Variants in SLC45A1 observed in about 807,000 individuals in gnomAD.
SLC45A1 encodes solute carrier family 45 member 1.
In SLC45A1, 28 loss-of-function variants were observed where a neutral mutation model predicts 57.6. That is an observed-to-expected ratio of 0.49 (90% confidence interval 0.36 to 0.67). The LOEUF is 0.67. Among genes scored for constraint, SLC45A1 ranks in the 30% least tolerant of loss-of-function variants. SLC45A1 has a pLI of 0.00. For missense variants in SLC45A1, 814 were observed against 1,041.5 expected, an observed-to-expected ratio of 0.78 and a Z score of 3.01; for synonymous variants, 459 against 471.5, an observed-to-expected ratio of 0.97 and a Z score of 0.34.
rs770426185 is a variant in SLC45A1, at chr1:8,335,529, C to G, written c.1536C>G (p.Leu512=). 3 of 1,606,066 alleles carry G rather than the reference C, an allele frequency of 1.9e-6. No homozygotes were observed. ...AGCAGCCTCTGTCCGTGGGGCGCCT[C>G]TGCTCCACCATCTGCAACATGCCCA... The part of the protein sequence containing the change: ...RAEQPLSVGR[L]CSTICNMPKA... The change falls in exon 6 of 9, where the codon CTC becomes CTG. Residue 512 remains leucine (L), a synonymous_variant. Transcript: ENST00000471889. The surrounding 1 kb of genome is among the most constrained non-coding windows in gnomAD (Gnocchi z 4.1).
At chr1:8,322,100 T>C (rs1640035264) in intron 1 of SLC45A1, among the ~76,000 whole-genome samples, 1 of 104,692 alleles carries the variant, frequency 9.6e-6, no homozygotes, top group African/African-American at 4.0e-5. Context: ...GATGGATGGG[T>C]GGGTGGGTGA....
intron 1 of SLC45A1, among the ~76,000 whole-genome samples, chr1:8,321,227 A>G (rs1245462657): frequency 2.6e-5 from 4 of 152,206 alleles, no homozygotes; most frequent in Non-Finnish European, 4.4e-5. Flanking sequence ...TACTCCTTAT[A>G]AATGAATTCT....
chr1:8,330,717 C>G lies in SLC45A1; in HGVS notation c.1224C>G (p.Pro408=), dbSNP rs201094126. ...TCAGCGTCAGCTTCCCCCGGGCCCC[C>G]GACGGCTTCTACCGCCAGGACCGTG... ...PPISVSFPRA[P]DGFYRQDRGL... The change falls in exon 5 of 9, where the codon CCC becomes CCG. Residue 408 remains proline (P), a synonymous_variant. Transcript: ENST00000471889. The surrounding 1 kb of genome is among the most constrained non-coding windows in gnomAD (Gnocchi z 8.4). The G allele has an allele frequency of 6.2e-7, 1 of 1,613,140 alleles. No individual in the cohort carries two copies. The highest frequency in any genetic ancestry group is 1.1e-5 in the South Asian group (1 of 91,072).
intron 5 of SLC45A1, among the ~76,000 whole-genome samples, chr1:8,331,885 C>T (rs1354312547): frequency 2.0e-5 from 3 of 151,930 alleles, no homozygotes; most frequent in Non-Finnish European, 2.9e-5. Context: ...CTCTGCCTCC[C>T]GGGTTCACGC....
intron 1 of SLC45A1, 70 bp from the exon 2 acceptor site, chr1:8,324,236 G>C: frequency 7.3e-7 from 1 of 1,370,964 alleles, no homozygotes; most frequent in African/African-American, 1.4e-5. Flanking sequence ...TCTGCAGTGT[G>C]AACTCAAATG....
chr1:8,322,955 G>A (rs998991092), intron 1 of SLC45A1, among the ~76,000 whole-genome samples: 1 of 152,060 alleles, frequency 6.6e-6, no homozygotes, highest in African/African-American at 2.4e-5. Flanking sequence ...TTATACAAGT[G>A]GACATCGGCT....
chr1:8,326,841 G>A lies in SLC45A1; in HGVS notation c.715+799G>A, dbSNP rs546586004. Among the ~76,000 whole-genome samples, 1 of 152,156 alleles carries A rather than the reference G, an allele frequency of 6.6e-6. No individual in the cohort carries two copies. The highest frequency in any genetic ancestry group is 1.5e-5 in the Non-Finnish European group (1 of 68,034). Reference sequence around the variant, plus strand: ...TAAAAATACAAAAAATTAGCTGGGCGTGGTGGCACATGCCTGTAATCCCAG... The same window carrying A: ...TAAAAATACAAAAAATTAGCTGGGCATGGTGGCACATGCCTGTAATCCCAG... On this transcript the variant is annotated intron_variant, in intron 4 of 8. Coordinates refer to ENST00000471889, the MANE Select transcript of SLC45A1 (RefSeq NM_001080397.3). The surrounding 1 kb of genome is among the most constrained non-coding windows in gnomAD (Gnocchi z 5.5).
intron 1 of SLC45A1, among the ~76,000 whole-genome samples, chr1:8,321,735 C>A (rs72864245): frequency 0.044 from 6,680 of 150,434 alleles, 493 homozygotes; most frequent in African/African-American, 0.15. Context: ...AAGAACGGGT[C>A]GGTGGATGTG....
intron 1 of SLC45A1, among the ~76,000 whole-genome samples, chr1:8,318,539 C>G (rs72635792): frequency 0.37 from 55,805 of 152,128 alleles, 10,951 homozygotes; most frequent in Middle Eastern, 0.61. Flanking sequence ...GCTCCCGGCT[C>G]ACCTCTTGCG....
chr1:8,319,998 G>A (rs756616996), intron 1 of SLC45A1, among the ~76,000 whole-genome samples: 58 of 152,104 alleles, frequency 3.8e-4, no homozygotes, highest in Non-Finnish European at 7.2e-4. Context: ...CATTACAGGC[G>A]TCAGCCACTG....
In SLC45A1 at chr1:8,339,687, CAG is replaced by C; in HGVS notation, c.1972_1973del (p.Ser658Ter). The C allele has an allele frequency of 6.2e-7, 1 of 1,614,026 alleles. No homozygotes were observed. On this transcript the variant is annotated frameshift_variant, in exon 8 of 9. Transcript: ENST00000471889. LOFTEE classifies it high-confidence loss of function. ...TTACTCGCTGCTCTGCGATTACTATCAGAGTAAGAAGGTAAGTGCTCTCCCTT... is the reference window on the plus strand; with the variant it reads ...TTACTCGCTGCTCTGCGATTACTATCAGTAAGAAGGTAAGTGCTCTCCCTT... The part of the protein sequence containing the change: ...LPYSLLCDYY[Q>X]SKKFAGSSAD...
rs534819852 is a variant in SLC45A1 at position 8,339,672 on chromosome 1, C to T, written c.1954C>T (p.Leu652Phe). Residue 652 changes from leucine to phenylalanine, a missense_variant, in exon 8 of 9, where the codon CTC becomes TTC. By Grantham distance (22) the Leu-to-Phe change is conservative. Coordinates refer to ENST00000471889, the MANE Select transcript of SLC45A1 (RefSeq NM_001080397.3). Reference sequence around the variant, plus strand: ...CCTGTGCACCTTGCCTTACTCGCTGCTCTGCGATTACTATCAGAGTAAGAA... The same window carrying T: ...CCTGTGCACCTTGCCTTACTCGCTGTTCTGCGATTACTATCAGAGTAAGAA... ...STLCTLPYSL[L>F]CDYYQSKKFA... 2 of 1,614,168 alleles carry T rather than the reference C, an allele frequency of 1.2e-6. No homozygotes were observed. Among genetic ancestry groups the T allele is most frequent in the Non-Finnish European group, 1.7e-6 (2 of 1,179,966 alleles).
At chr1:8,331,626 G>A (rs1198825403) in intron 5 of SLC45A1, among the ~76,000 whole-genome samples, 1 of 152,014 alleles carries the variant, frequency 6.6e-6, no homozygotes, top group Non-Finnish European at 1.5e-5. Context: ...AGGTGACAGA[G>A]CAAGACCTTG....
At chr1:8,322,003 A>ATGGT (rs1640024726) in intron 1 of SLC45A1, among the ~76,000 whole-genome samples, 1 of 28,190 alleles carries the variant, frequency 3.5e-5, no homozygotes, top group Non-Finnish European at 6.5e-5. Context: ...GGATGGATGG[A>ATGGT]TGGATGGATG....
intron 5 of SLC45A1, among the ~76,000 whole-genome samples, chr1:8,332,215 G>A (rs1421502949): frequency 1.3e-5 from 2 of 152,168 alleles, no homozygotes; most frequent in East Asian, 1.9e-4. Flanking sequence ...CAAGACGTCC[G>A]GGCTCCAGCC....
chr1:8,331,225 T>TAGTATTTTTAAAAAACACTTTTAAAA (rs1212862479), intron 5 of SLC45A1, among the ~76,000 whole-genome samples: 13 of 151,998 alleles, frequency 8.6e-5, no homozygotes, highest in Non-Finnish European at 1.6e-4. Context: ...TTTAGTATTT[T>TAGTATTTTTAAAAAACACTTTTAAAA]AGTATTTTTA....
rs1640749988 is a variant in SLC45A1, at chr1:8,339,705, G to A, written c.1980+7G>A. 5.0e-6 allele frequency: 8 copies of A among 1,612,838 alleles called. No homozygotes were observed. The highest frequency in any genetic ancestry group is 6.8e-6 in the Non-Finnish European group (8 of 1,178,838). On this transcript the variant is annotated splice_region_variant and intron_variant, in intron 8 of 8. Coordinates refer to ENST00000471889, the MANE Select transcript of SLC45A1 (RefSeq NM_001080397.3). ...TTACTATCAGAGTAAGAAGGTAAGTGCTCTCCCTTGTCTTGCTTCGGGTCT... is the reference window on the plus strand; with the variant it reads ...TTACTATCAGAGTAAGAAGGTAAGTACTCTCCCTTGTCTTGCTTCGGGTCT...
At chr1:8,324,259 T>C (rs1264181247) in intron 1 of SLC45A1, 47 bp from the exon 2 acceptor site, 2 of 1,526,140 alleles carry the variant, frequency 1.3e-6, no homozygotes, top group Non-Finnish European at 1.8e-6. Flanking sequence ...GGGGGAGGAC[T>C]ACCCAGGCAA....
At chr1:8,337,765 CAG>C in intron 6 of SLC45A1, 49 bp from the exon 7 acceptor site, 1 of 1,537,202 alleles carries the variant, frequency 6.5e-7, no homozygotes. Context: ...AGAGAAAGGG[CAG>C]AGTGTTGGCC....
Sources: allele counts gnomAD v4.1 joint callset (sites outside exome capture counted in the v4.1 genomes callset), GRCh38; gene constraint gnomAD v4.1.1; non-coding constraint Gnocchi (gnomAD v3.1); transcripts MANE v1.5; gene names NCBI Gene and HGNC (gene_info 2026-07-23, HGNC 2026-07-21).